SSBP2: variants seen among roughly 807,000 people sequenced by gnomAD.
SSBP2 encodes single-stranded DNA-binding protein 2.
SSBP2 carries 17 observed loss-of-function variants against 61.8 expected under a neutral mutation model. The observed-to-expected ratio is 0.28, with a 90% confidence interval of 0.19 to 0.41. SSBP2 has a LOEUF of 0.41. Among genes scored for constraint, SSBP2 ranks in the 10% least tolerant of loss-of-function variants. The probability of loss-of-function intolerance (pLI) is 1.00; values close to 1 mark genes in which losing one functional copy is unlikely to be tolerated. For missense variants in SSBP2, 310 were observed against 458.7 expected, an observed-to-expected ratio of 0.68 and a Z score of 2.96; for synonymous variants, 139 against 141.3, an observed-to-expected ratio of 0.98 and a Z score of 0.12.
At chr5:81,470,945 T>G (rs1320167992) in intron 8 of SSBP2, among the ~76,000 whole-genome samples, 1 of 151,706 alleles carries the variant, frequency 6.6e-6, no homozygotes, top group Admixed American at 6.6e-5. Context: ...TGATTCCAAA[T>G]TATTTTACCT....
At chr5:81,596,986 A>G (rs1426185630) in intron 4 of SSBP2, among the ~76,000 whole-genome samples, 1 of 151,828 alleles carries the variant, frequency 6.6e-6, no homozygotes, top group Non-Finnish European at 1.5e-5. Context: ...AAAATTGACA[A>G]ATGGGATCTA....
chr5:81,658,004 C>T (rs1209616809), intron 1 of SSBP2, among the ~76,000 whole-genome samples: 1 of 152,026 alleles, frequency 6.6e-6, no homozygotes, highest in Non-Finnish European at 1.5e-5. Context: ...ATGACCAAAT[C>T]AAGCTAATTA....
At chr5:81,608,755 C>T (rs1745133471) in intron 4 of SSBP2, among the ~76,000 whole-genome samples, 2 of 151,764 alleles carry the variant, frequency 1.3e-5, no homozygotes, top group African/African-American at 4.8e-5. Context: ...AACCAAGAAC[C>T]CTTGAGAATT....
At chr5:81,628,805 T>C (rs1747424365) in intron 3 of SSBP2, among the ~76,000 whole-genome samples, 1 of 152,218 alleles carries the variant, frequency 6.6e-6, no homozygotes, top group Admixed American at 6.5e-5. Context: ...TATCCTATAT[T>C]AAAGACAGAA....
intron 1 of SSBP2, among the ~76,000 whole-genome samples, chr5:81,726,432 A>G (rs1336421590): frequency 6.6e-6 from 1 of 152,216 alleles, no homozygotes; most frequent in Non-Finnish European, 1.5e-5. Context: ...TAATATTCCA[A>G]GCTCACAAAC....
In SSBP2 at chr5:81,514,467, T is replaced by C. The variant is rs191267911; in HGVS notation, c.283-750A>G. Among the ~76,000 whole-genome samples, 3 of 152,230 alleles carry C rather than the reference T, an allele frequency of 2.0e-5. No homozygotes were observed. The East Asian group carries it at 5.8e-4, about 29-fold the overall frequency. ...ACTCTTTGTAATAAAATCAACATTA[T>C]AGATTTAATACTTACATAGGGCAGT... On this transcript the variant is annotated intron_variant, in intron 4 of 16. Transcript: ENST00000320672.
chr5:81,734,840 G>T (rs1340609951), intron 1 of SSBP2, among the ~76,000 whole-genome samples: 1 of 151,878 alleles, frequency 6.6e-6, no homozygotes, highest in African/African-American at 2.4e-5. Context: ...GCGTGGAGGT[G>T]GGCACCTGTA....
At chr5:81,511,282 C>T (rs976894801) in intron 5 of SSBP2, among the ~76,000 whole-genome samples, 3 of 152,012 alleles carry the variant, frequency 2.0e-5, no homozygotes, top group Admixed American at 6.6e-5. Flanking sequence ...CTGTAATGGC[C>T]TCTTCTCTCA....
At chr5:81,579,290 T>C (rs1056590272) in intron 4 of SSBP2, among the ~76,000 whole-genome samples, 3 of 152,070 alleles carry the variant, frequency 2.0e-5, no homozygotes, top group Non-Finnish European at 4.4e-5. Flanking sequence ...GGAGTGATTT[T>C]AGTTATTTTC....
intron 10 of SSBP2, among the ~76,000 whole-genome samples, chr5:81,457,906 C>T (rs6452413): frequency 1.3e-5 from 2 of 152,116 alleles, no homozygotes; most frequent in African/African-American, 4.8e-5. Flanking sequence ...ACGTGATCCA[C>T]CTGCCTCGGC....
intron 4 of SSBP2, among the ~76,000 whole-genome samples, chr5:81,600,379 G>A (rs186714186): frequency 1.8e-3 from 280 of 151,854 alleles, no homozygotes; most frequent in African/African-American, 5.6e-3. Context: ...TGGCCAATAC[G>A]GTGAAACCCT....
chr5:81,615,175 A>C, intron 4 of SSBP2: 1 of 206,686 alleles, frequency 4.8e-6, no homozygotes, highest in East Asian at 1.3e-4. Context: ...GAATAAAAAA[A>C]TTACTATATA....
At chr5:81,591,446 A>G (rs1775494114) in intron 4 of SSBP2, among the ~76,000 whole-genome samples, 1 of 152,222 alleles carries the variant, frequency 6.6e-6, no homozygotes, top group Non-Finnish European at 1.5e-5. Context: ...AGACAAACAA[A>G]TACATATAAA....
At chr5:81,670,466 A>G (rs1445962454) in intron 1 of SSBP2, among the ~76,000 whole-genome samples, 1 of 152,186 alleles carries the variant, frequency 6.6e-6, no homozygotes, top group Non-Finnish European at 1.5e-5. Context: ...ATCTTACTGT[A>G]AATTATCTAC....
At chr5:81,740,838 T>C (rs906912931) in intron 1 of SSBP2, among the ~76,000 whole-genome samples, 5 of 152,246 alleles carry the variant, frequency 3.3e-5, no homozygotes, top group African/African-American at 1.2e-4. Context: ...TTTGTAGCTA[T>C]CTGTGGGGCA....
chr5:81,697,928 GTAAAA>G (rs1753706158), intron 1 of SSBP2, among the ~76,000 whole-genome samples: 1 of 151,998 alleles, frequency 6.6e-6, no homozygotes, highest in Non-Finnish European at 1.5e-5. Flanking sequence ...TGCCTCTATG[GTAAAA>G]TAATCTAAAA....
At chr5:81,630,360 A>C (rs1747586174) in intron 3 of SSBP2, among the ~76,000 whole-genome samples, 1 of 152,156 alleles carries the variant, frequency 6.6e-6, no homozygotes, top group Non-Finnish European at 1.5e-5. Context: ...GAAACACAAT[A>C]ATCAGGGAAG....
intron 5 of SSBP2, among the ~76,000 whole-genome samples, chr5:81,502,449 GCTCA>G (rs1767869254): frequency 6.6e-6 from 1 of 151,992 alleles, no homozygotes; most frequent in Admixed American, 6.6e-5. Flanking sequence ...TTCCATCTAT[GCTCA>G]CTATCTTGTT....
intron 4 of SSBP2, among the ~76,000 whole-genome samples, chr5:81,549,641 A>C (rs1365976323): frequency 6.6e-6 from 1 of 152,234 alleles, no homozygotes; most frequent in Non-Finnish European, 1.5e-5. Flanking sequence ...CTGAAAGAAT[A>C]CATGAATGAT....
Sources: gnomAD v4.1 joint callset for allele counts (sites outside exome capture counted in the v4.1 genomes callset) on GRCh38, gnomAD v4.1.1 for gene constraint, MANE v1.5 for transcripts, NCBI Gene and HGNC (gene_info 2026-07-23, HGNC 2026-07-21) for gene names.